SALL3: variants seen among roughly 807,000 people sequenced by gnomAD.
SALL3 encodes the protein spalt like transcription factor 3.
Under a neutral mutation model 66.2 loss-of-function variants are expected in SALL3, and 25 were observed. That is an observed-to-expected ratio of 0.38 (90% CI 0.28 to 0.53). SALL3 has a LOEUF of 0.53. SALL3 is among the 20% of genes least tolerant of loss of function. The pLI is 0.85. For synonymous variants in SALL3, 1,152 were observed against 899.1 expected (o/e 1.28, Z -5.03); for missense variants, 2,194 against 1,916.5 (o/e 1.14, Z -2.70).
chr18:78,990,193 G>A (rs548083391), intron 1 of SALL3, among the ~76,000 whole-genome samples: 3 of 152,312 alleles, frequency 2.0e-5, no homozygotes, highest in African/African-American at 7.2e-5. Flanking sequence ...TAAATCAGCT[G>A]TGTCTTTGCT....
Position 78,993,171 on chromosome 18 carries a change from A to C in SALL3, c.1180A>C (p.Met394Leu), listed in dbSNP as rs764612695. Reference protein sequence around the residue: ...ANALDPLSALMKHRKGKPPNV... With the variant: ...ANALDPLSALLKHRKGKPPNV... ...CGCTCTGGACCCGCTGTCCGCGCTCATGAAGCACCGCAAGGGCAAGCCGCC... is the reference window on the plus strand; with the variant it reads ...CGCTCTGGACCCGCTGTCCGCGCTCCTGAAGCACCGCAAGGGCAAGCCGCC... The change falls in exon 2 of 3, where the codon ATG becomes CTG. Residue 394 changes from methionine (M) to leucine (L), a missense_variant. Met to Leu is a conservative substitution (Grantham distance 15). Transcript: ENST00000537592. 2 of 1,609,294 alleles carry C rather than the reference A, an allele frequency of 1.2e-6. No homozygotes were observed. Among genetic ancestry groups the C allele is most frequent in the Admixed American group, 1.7e-5 (1 of 59,792 alleles).
At position 78,993,557 on chromosome 18, in the gene SALL3, G is replaced by A. The variant is rs774535703; in HGVS notation, c.1566G>A (p.Val522=). Residue 522 remains valine, a synonymous_variant, in exon 2 of 3, where the codon GTG becomes GTA. Transcript: ENST00000537592. ...WLDSKPVLPT[V]PTSVGLQLPP... ...ACAGCAAGCCCGTGCTGCCCACCGT[G>A]CCCACGTCCGTGGGGCTGCAACTGC... is the stretch of plus-strand genomic sequence containing the variant. The A allele has an allele frequency of 4.6e-5, 73 of 1,590,806 alleles. No individual in the cohort carries two copies. The highest frequency in any genetic ancestry group is 6.1e-5 in the Non-Finnish European group (72 of 1,172,754).
intron 1 of SALL3, among the ~76,000 whole-genome samples, chr18:78,990,578 C>T (rs966250900): frequency 6.6e-6 from 1 of 152,122 alleles, no homozygotes; most frequent in Non-Finnish European, 1.5e-5. Context: ...TTTTCCAGAA[C>T]CCTAAACATC....
Position 78,995,378 on chromosome 18 carries a change from G to C in SALL3, c.3387G>C (p.Gln1129His). The C allele has an allele frequency of 6.9e-6, 11 of 1,584,904 alleles. No individual in the cohort carries two copies. Among genetic ancestry groups the C allele is most frequent in the Non-Finnish European group, 8.5e-6 (10 of 1,173,580 alleles). Residue 1129 changes from glutamine (Q) to histidine (H), a missense_variant, in exon 2 of 3, where the codon CAG (glutamine) becomes CAC (histidine). Transcript: ENST00000537592. ...CCTTCTCCTCGGCCAGCGCCCTGCAGATCCATGAGCGCACGCACACCGGCG... is the reference window on the plus strand; with the variant it reads ...CCTTCTCCTCGGCCAGCGCCCTGCACATCCATGAGCGCACGCACACCGGCG... Reference protein sequence around the residue: ...GKTFSSASALQIHERTHTGEK... With the variant: ...GKTFSSASALHIHERTHTGEK...
intron 1 of SALL3, 126 bp downstream of exon 1, chr18:78,980,482 A>C: frequency 2.0e-6 from 1 of 494,180 alleles, no homozygotes; most frequent in Non-Finnish European, 2.9e-6. Context: ...TCCTGCGGGC[A>C]AGCGTCCGCC....
chr18:78,994,718 C>G lies in SALL3; in HGVS notation c.2727C>G (p.Pro909=), dbSNP rs1278770187. The G allele has an allele frequency of 6.2e-7, 1 of 1,604,270 alleles. No homozygotes were observed. The highest frequency in any genetic ancestry group is 1.3e-5 in the African/African-American group (1 of 75,004). ...CCTCGCAGGCCCTGTCGCCGGCCCC[C>G]AGCAATGGTGAGAGCTTCCGCTCCA... ...SSSSQALSPA[P]SNGESFRSKS... is the part of the protein sequence containing the mutation. The change falls in exon 2 of 3, where the codon CCC becomes CCG. Residue 909 remains proline (P), a synonymous_variant. Transcript: ENST00000537592.
chr18:78,979,893 C>G lies in SALL3; in HGVS notation c.-382C>G, dbSNP rs1424827749. On this transcript the variant is annotated 5_prime_UTR_variant, in exon 1 of 3. Transcript: ENST00000537592. ...GAGGGACGGCCACCGCGGCCCGCGC[C>G]GCACCCGGGCCCCGCCACAGCCGCA... Among the ~76,000 whole-genome samples the G allele has an allele frequency of 6.9e-6, 1 of 144,054 alleles. No homozygotes were observed. Among genetic ancestry groups the G allele is most frequent in the Non-Finnish European group, 1.5e-5 (1 of 65,046 alleles). The allele number at this position is 144,054 out of a possible 152,430, so 94.5% of individuals were successfully genotyped here.
chr18:78,989,125 T>C (rs542421988), intron 1 of SALL3, among the ~76,000 whole-genome samples: 1 of 152,320 alleles, frequency 6.6e-6, no homozygotes, highest in African/African-American at 2.4e-5. Context: ...TTAAACAAAA[T>C]GACTTACTAT....
intron 1 of SALL3, among the ~76,000 whole-genome samples, chr18:78,983,231 C>A (rs2146207200): frequency 6.6e-6 from 1 of 152,276 alleles, no homozygotes; most frequent in Non-Finnish European, 1.5e-5. Flanking sequence ...AAAGGCGCTG[C>A]AGCTTTAGGA....
chr18:78,997,295 G>A lies in SALL3; in HGVS notation c.3876G>A (p.Glu1292=). 1 of 1,613,876 alleles carries A rather than the reference G, an allele frequency of 6.2e-7. No individual in the cohort carries two copies. The highest frequency in any genetic ancestry group is 8.5e-7 in the Non-Finnish European group (1 of 1,179,966). ...AASRPFTRFI[E]DNKEIGIN ...GCCGCCCATTCACGCGGTTTATCGAGGATAACAAGGAGATTGGTATCAACT... is the reference window on the plus strand; with the variant it reads ...GCCGCCCATTCACGCGGTTTATCGAAGATAACAAGGAGATTGGTATCAACT... The change falls in exon 3 of 3, where the codon GAG becomes GAA. Residue 1292 remains glutamate (E), a synonymous_variant. Transcript: ENST00000537592.
At chr18:78,980,541 C>T (rs1568286658) in intron 1 of SALL3, among the ~76,000 whole-genome samples, 185 bp downstream of exon 1, 1 of 151,524 alleles carries the variant, frequency 6.6e-6, no homozygotes, top group Non-Finnish European at 1.5e-5. Flanking sequence ...GGAGCGCGCG[C>T]GGCCGCCGAG....
intron 2 of SALL3, among the ~76,000 whole-genome samples, chr18:78,996,202 A>G (rs2146221765): frequency 1.3e-5 from 2 of 152,320 alleles, no homozygotes; most frequent in African/African-American, 4.8e-5. Flanking sequence ...TCGCAGCAGC[A>G]GCGGTAGAGC....
intron 1 of SALL3, among the ~76,000 whole-genome samples, chr18:78,990,515 G>T (rs1393268841): frequency 1.3e-5 from 2 of 152,146 alleles, no homozygotes; most frequent in Non-Finnish European, 2.9e-5. Context: ...GTTTTTACAG[G>T]ACATTTTTTT....
Position 78,995,373 on chromosome 18 carries a change from C to T in SALL3, c.3382C>T (p.Leu1128=). ...GAAGACCTTCTCCTCGGCCAGCGCC[C>T]TGCAGATCCATGAGCGCACGCACAC... ...CGKTFSSASA[L]QIHERTHTGE... is the part of the protein sequence containing the mutation. Residue 1128 remains leucine, a synonymous_variant, in exon 2 of 3, where the codon CTG becomes TTG. Transcript: ENST00000537592. The T allele has an allele frequency of 3.2e-6, 5 of 1,583,550 alleles. No homozygotes were observed. The highest frequency in any genetic ancestry group is 4.3e-6 in the Non-Finnish European group (5 of 1,172,784).
In SALL3 at chr18:78,994,084, A is replaced by T; in HGVS notation, c.2093A>T (p.Tyr698Phe). The T allele has an allele frequency of 6.2e-7, 1 of 1,612,956 alleles. No individual in the cohort carries two copies. Among genetic ancestry groups the T allele is most frequent in the Non-Finnish European group, 8.5e-7 (1 of 1,179,954 alleles). The stretch of plus-strand genomic sequence containing the variant: ...TGCCAGAGCGCGCTGAAGATGCACT[A>T]CCGGACGCACACGGGGGAGCGGCCG... ...LSCQSALKMH[Y>F]RTHTGERPFK... Residue 698 changes from tyrosine to phenylalanine, a missense_variant, in exon 2 of 3, where the codon TAC becomes TTC. Transcript: ENST00000537592.
intron 1 of SALL3, among the ~76,000 whole-genome samples, chr18:78,991,219 G>C (rs1233324104): frequency 2.6e-5 from 4 of 152,104 alleles, no homozygotes; most frequent in South Asian, 2.1e-4. Context: ...AATTCTATTG[G>C]CTAATAACAG....
intron 2 of SALL3, 23 bp from the exon 3 acceptor site, chr18:78,996,868 G>A (rs1055799117): frequency 6.3e-7 from 1 of 1,583,162 alleles, no homozygotes; most frequent in South Asian, 1.1e-5. Flanking sequence ...CTTACTCGTG[G>A]GCTGTCTCCG....
intron 2 of SALL3, among the ~76,000 whole-genome samples, chr18:78,996,149 G>A (rs914524349): frequency 3.3e-5 from 5 of 152,254 alleles, no homozygotes; most frequent in South Asian, 2.1e-4. Flanking sequence ...AGCTCCTGGC[G>A]TGGGGCAGAG....
rs970670350 is a variant in SALL3, at chr18:78,987,307, C to T, written c.83-4767C>T. On this transcript the variant is annotated intron_variant, in intron 1 of 2. Transcript: ENST00000537592. ...CCAAAAACAGACAGTCTGAGGGGTTCCTTTCACACCAAGAGTCACTCCTAA... is the reference window on the plus strand; with the variant it reads ...CCAAAAACAGACAGTCTGAGGGGTTTCTTTCACACCAAGAGTCACTCCTAA... Among the ~76,000 whole-genome samples, 8 of 152,160 alleles carry T rather than the reference C, an allele frequency of 5.3e-5. 1 individual carries two copies. The highest frequency in any genetic ancestry group is 5.2e-4 in the Admixed American group (8 of 15,282).
Sources: allele counts gnomAD v4.1 joint callset (sites outside exome capture counted in the v4.1 genomes callset), GRCh38; gene constraint gnomAD v4.1.1; transcripts MANE v1.5; gene names NCBI Gene and HGNC (gene_info 2026-07-23, HGNC 2026-07-21).